RELN: variants seen among roughly 807,000 people sequenced by gnomAD.
RELN encodes reelin.
In RELN, 108 loss-of-function variants were observed where a neutral mutation model predicts 427.6. The observed-to-expected ratio is 0.25, with a 90% CI of 0.22 to 0.30. The LOEUF (loss-of-function observed/expected upper bound fraction) is 0.30, where lower values mean the gene tolerates loss of function less well. RELN is among the 10% of genes least tolerant of loss of function. The pLI is 1.00. For synonymous variants in RELN, 1,524 were observed against 1,513.4 expected (o/e 1.01, Z -0.16); for missense variants, 3,715 against 4,302.8 (o/e 0.86, Z 3.82).
At chr7:103,684,879 G>A (rs1160229099) in intron 10 of RELN, among the ~76,000 whole-genome samples, 1 of 152,116 alleles carries the variant, frequency 6.6e-6, no homozygotes, top group Non-Finnish European at 1.5e-5. Context: ...AAAAATAGAA[G>A]AGCATTTCAA....
chr7:103,917,188 G>T lies in RELN; in HGVS notation c.227-3C>A. ...AAAGGTGCTTGTTGAAATTGTCACT[G>T]AAATGTAAGAAAGAAAAAAAAAACT... On this transcript the variant is annotated splice_polypyrimidine_tract_variant and splice_region_variant and intron_variant, in intron 1 of 64. Coordinates refer to ENST00000428762, the MANE Select transcript of RELN (RefSeq NM_005045.4). 2 of 1,605,188 alleles carry T rather than the reference G, an allele frequency of 1.2e-6. No homozygotes were observed. Among genetic ancestry groups the T allele is most frequent in the South Asian group, 1.1e-5 (1 of 90,856 alleles).
Position 103,569,362 on chromosome 7 carries a change from C to T in RELN, c.4589-2603G>A, listed in dbSNP as rs1584304510. On this transcript the variant is annotated intron_variant, in intron 31 of 64. Transcript: ENST00000428762. This position sits in a 1 kb window ranked among gnomAD's most constrained non-coding sequence, Gnocchi z 4.0. ...CTGGCTTTTGTCCTGACTGCAACCT[C>T]ACCAGAGACCCTGGGCCAGAACCAT... is the stretch of plus-strand genomic sequence containing the variant. 6.6e-6 allele frequency among the ~76,000 whole-genome samples: 1 copy of T among 152,342 alleles called. No homozygotes were observed. The highest frequency in any genetic ancestry group is 1.9e-4 in the East Asian group (1 of 5,190).
chr7:103,657,689 A>G (rs1833051230), intron 12 of RELN, among the ~76,000 whole-genome samples: 1 of 152,150 alleles, frequency 6.6e-6, no homozygotes, highest in Non-Finnish European at 1.5e-5. Flanking sequence ...AGACTTTAAA[A>G]TGATGACAGA....
At chr7:103,689,859 T>C (rs1833837931) in intron 10 of RELN, among the ~76,000 whole-genome samples, 1 of 152,142 alleles carries the variant, frequency 6.6e-6, no homozygotes, top group Non-Finnish European at 1.5e-5. Flanking sequence ...TTACATCTAA[T>C]GTTTTTCTTT....
chr7:103,907,976 C>T (rs1197367709), intron 2 of RELN, among the ~76,000 whole-genome samples: 3 of 152,026 alleles, frequency 2.0e-5, no homozygotes, highest in Non-Finnish European at 2.9e-5. Context: ...CAGCAACAGG[C>T]CCCAGTGTGT....
chr7:103,527,859 A>T (rs1200902673), intron 46 of RELN, among the ~76,000 whole-genome samples: 1 of 152,244 alleles, frequency 6.6e-6, no homozygotes, highest in East Asian at 1.9e-4. Context: ...GGAAATGTCA[A>T]TGAGAACCAC....
intron 19 of RELN, among the ~76,000 whole-genome samples, chr7:103,632,424 A>G (rs1438367681): frequency 2.0e-5 from 3 of 152,228 alleles, no homozygotes; most frequent in African/African-American, 7.2e-5. Context: ...TAGAGATGTG[A>G]GTACAGAGGC....
chr7:103,771,533 G>A (rs573037001), intron 4 of RELN, among the ~76,000 whole-genome samples: 2 of 152,258 alleles, frequency 1.3e-5, no homozygotes, highest in South Asian at 2.1e-4. Flanking sequence ...TTCTCAGCAG[G>A]CTGCTGGAGA....
intron 6 of RELN, among the ~76,000 whole-genome samples, chr7:103,748,824 T>G (rs1050802787): frequency 6.6e-6 from 1 of 152,222 alleles, no homozygotes; most frequent in Admixed American, 6.5e-5. Context: ...TTCCAAATTA[T>G]GCAAATTGAT....
intron 7 of RELN, 61 bp downstream of exon 7, chr7:103,728,050 G>T: frequency 6.5e-7 from 1 of 1,543,554 alleles, no homozygotes; most frequent in Non-Finnish European, 8.9e-7. Flanking sequence ...AAAAACTTTT[G>T]TTGGCAAAAA....
intron 15 of RELN, among the ~76,000 whole-genome samples, chr7:103,651,263 A>G (rs1344144912): frequency 6.6e-6 from 1 of 152,106 alleles, no homozygotes; most frequent in Non-Finnish European, 1.5e-5. Context: ...TTAATTATAC[A>G]GAAAAAAGTG....
chr7:103,925,905 C>CTTG (rs1226979095), intron 1 of RELN, among the ~76,000 whole-genome samples: 1 of 151,874 alleles, frequency 6.6e-6, no homozygotes, highest in Non-Finnish European at 1.5e-5. Context: ...ATTTTTCTCC[C>CTTG]CCAAAATCAT....
At chr7:103,489,701 C>T in intron 60 of RELN, 41 bp downstream of exon 60, 1 of 1,607,192 alleles carries the variant, frequency 6.2e-7, no homozygotes, top group Non-Finnish European at 8.5e-7. Context: ...AGGAGAACCT[C>T]TTGGTCTCCT....
At chr7:103,962,646 T>TTGTTGTTGTG (rs1187382987) in intron 1 of RELN, among the ~76,000 whole-genome samples, 2 of 149,816 alleles carry the variant, frequency 1.3e-5, no homozygotes, top group East Asian at 3.9e-4. Context: ...TCCAAAGTTG[T>TTGTTGTTGTG]TGTGTGTGTG....
At position 103,807,150 on chromosome 7, in the gene RELN, A is replaced by G. The variant is rs376356584; in HGVS notation, c.473+26387T>C. ...TTTAAAAATGTGGATTGAACACAATATTAGTTTCCACTTCTTCCTGAAACC... is the reference window on the plus strand; with the variant it reads ...TTTAAAAATGTGGATTGAACACAATGTTAGTTTCCACTTCTTCCTGAAACC... On this transcript the variant is annotated intron_variant, in intron 3 of 64. Transcript: ENST00000428762. 5.3e-4 allele frequency among the ~76,000 whole-genome samples: 80 copies of G among 152,326 alleles called. No individual in the cohort carries two copies. In the South Asian group the frequency reaches 0.016, roughly 30 times the overall value.
chr7:103,915,456 C>T (rs1795462966), intron 2 of RELN, among the ~76,000 whole-genome samples: 1 of 150,228 alleles, frequency 6.7e-6, no homozygotes, highest in South Asian at 2.1e-4. Flanking sequence ...ATCAACATCA[C>T]CTGGAGTGTT....
chr7:103,590,865 T>C (rs1424685677), intron 27 of RELN, among the ~76,000 whole-genome samples: 2 of 152,234 alleles, frequency 1.3e-5, no homozygotes, highest in Non-Finnish European at 2.9e-5. Context: ...TTATTACACA[T>C]CTAGAGCTTT....
At chr7:103,507,486 A>G in intron 51 of RELN, among the ~76,000 whole-genome samples, 1 of 152,256 alleles carries the variant, frequency 6.6e-6, no homozygotes, top group Non-Finnish European at 1.5e-5. Context: ...GAAACCAATG[A>G]GAACAAAGAC....
chr7:103,591,232 T>C (rs1192300761), intron 27 of RELN, among the ~76,000 whole-genome samples: 3 of 152,358 alleles, frequency 2.0e-5, no homozygotes, highest in African/African-American at 7.2e-5. Context: ...CAAATTTTGT[T>C]GTAAAAGACT....
Sources: allele counts gnomAD v4.1 joint callset (sites outside exome capture counted in the v4.1 genomes callset), GRCh38; gene constraint gnomAD v4.1.1; non-coding constraint Gnocchi (gnomAD v3.1); transcripts MANE v1.5; gene names NCBI Gene and HGNC (gene_info 2026-07-23, HGNC 2026-07-21).